OPCML: variants seen among roughly 807,000 people sequenced by gnomAD.
OPCML encodes the protein opioid-binding protein/cell adhesion molecule.
Under a neutral mutation model 37.8 loss-of-function variants are expected in OPCML, and 13 were observed. The ratio of observed to expected loss-of-function variants is 0.34; its 90% CI spans 0.22 to 0.55. The LOEUF is 0.55. Ranked by LOEUF, OPCML falls within the 20% of genes least tolerant of loss-of-function variation. The pLI, the probability that OPCML is intolerant of heterozygous loss-of-function variation, is 0.91. For missense variants in OPCML, 341 were observed against 435.6 expected (o/e 0.78, Z 1.93); for synonymous variants, 176 against 168.8 (o/e 1.04, Z -0.33).
chr11:132,455,500 C>T (rs754687294), intron 4 of OPCML, among the ~76,000 whole-genome samples: 22 of 152,180 alleles, frequency 1.4e-4, no homozygotes, highest in Non-Finnish European at 2.5e-4. Context: ...AATCCGCCCT[C>T]GAGTGAGATC....
chr11:132,740,918 C>G (rs531426475), intron 2 of OPCML, among the ~76,000 whole-genome samples: 5 of 152,072 alleles, frequency 3.3e-5, no homozygotes, highest in Non-Finnish European at 7.4e-5. Context: ...TTTGATATAA[C>G]GGTATGCAGC....
chr11:132,645,746 T>C (rs1046701098), intron 3 of OPCML, among the ~76,000 whole-genome samples: 1 of 152,262 alleles, frequency 6.6e-6, no homozygotes, highest in Non-Finnish European at 1.5e-5. Context: ...GTGTGTCTAT[T>C]TCAAATTAAA....
chr11:132,861,494 T>A (rs1942297966), intron 2 of OPCML, among the ~76,000 whole-genome samples: 1 of 152,262 alleles, frequency 6.6e-6, no homozygotes, highest in Non-Finnish European at 1.5e-5. Context: ...GATGTTTGCC[T>A]GTATGTGTCT....
At chr11:133,400,174 T>C (rs1945372158) in intron 1 of OPCML, among the ~76,000 whole-genome samples, 1 of 152,216 alleles carries the variant, frequency 6.6e-6, no homozygotes, top group African/African-American at 2.4e-5. Context: ...GGAAATAATG[T>C]CTTCTAATTT....
At chr11:132,669,177 T>TCCAA (rs1441725546) in intron 2 of OPCML, among the ~76,000 whole-genome samples, 26 of 152,170 alleles carry the variant, frequency 1.7e-4, no homozygotes, top group African/African-American at 5.1e-4. Context: ...GTCCTTTTCT[T>TCCAA]GGACAGCGTC....
intron 1 of OPCML, among the ~76,000 whole-genome samples, chr11:133,474,459 G>A (rs1213765863): frequency 1.3e-5 from 2 of 152,206 alleles, no homozygotes; most frequent in Non-Finnish European, 2.9e-5. Flanking sequence ...TTCTAGGTAA[G>A]CATGTTATTC....
chr11:132,834,572 G>A (rs1940901386), intron 2 of OPCML, among the ~76,000 whole-genome samples: 1 of 152,202 alleles, frequency 6.6e-6, no homozygotes, highest in Non-Finnish European at 1.5e-5. Context: ...CGGCAGCACA[G>A]TTCTAATATC....
chr11:132,859,203 G>T (rs943230352), intron 2 of OPCML: 1 of 152,182 alleles, frequency 6.6e-6, no homozygotes, highest in Non-Finnish European at 1.5e-5. Flanking sequence ...GGGAAGAGCA[G>T]ACTGAAGGAA....
At chr11:133,038,513 C>A (rs867344003) in intron 1 of OPCML, among the ~76,000 whole-genome samples, 11 of 152,030 alleles carry the variant, frequency 7.2e-5, no homozygotes, top group South Asian at 6.2e-4. Flanking sequence ...TAATTTTTTT[C>A]CTAAATAATG....
At chr11:133,452,481 A>T (rs1946599625) in intron 1 of OPCML, among the ~76,000 whole-genome samples, 1 of 151,398 alleles carries the variant, frequency 6.6e-6, no homozygotes, top group South Asian at 2.1e-4. Context: ...ATGATAGCAG[A>T]TAGTCTGGTA....
chr11:132,562,968 A>T (rs1210081190), intron 3 of OPCML, among the ~76,000 whole-genome samples: 1 of 152,184 alleles, frequency 6.6e-6, no homozygotes, highest in Non-Finnish European at 1.5e-5. Context: ...GTAAGACATT[A>T]ATAGGCAATG....
At chr11:133,099,172 CAAAGAA>C (rs1565446574) in intron 1 of OPCML, among the ~76,000 whole-genome samples, 1 of 151,744 alleles carries the variant, frequency 6.6e-6, no homozygotes, top group Non-Finnish European at 1.5e-5. Context: ...ACAAAGATAT[CAAAGAA>C]AAACTAAATA....
intron 2 of OPCML, among the ~76,000 whole-genome samples, chr11:132,878,510 C>T (rs1199293190): frequency 6.6e-6 from 1 of 152,180 alleles, no homozygotes; most frequent in Non-Finnish European, 1.5e-5. Flanking sequence ...TGGACTGAAA[C>T]TTACACCAGT....
intron 2 of OPCML, among the ~76,000 whole-genome samples, chr11:132,670,585 AT>A: frequency 6.6e-6 from 1 of 152,306 alleles, no homozygotes; most frequent in South Asian, 2.1e-4. Flanking sequence ...AAGATAATAA[AT>A]ATTTTAATAA....
chr11:133,148,737 C>T (rs1949933317), intron 1 of OPCML, among the ~76,000 whole-genome samples: 2 of 152,164 alleles, frequency 1.3e-5, no homozygotes, highest in South Asian at 2.1e-4. Context: ...ATGGCAGAGA[C>T]GAGGTCCAGA....
chr11:133,008,101 T>C (rs1947146907), intron 1 of OPCML: 1 of 985,342 alleles, frequency 1.0e-6, no homozygotes, highest in Admixed American at 6.1e-5. Context: ...GGTTTTCACC[T>C]TCTACTATGG....
chr11:132,977,693 T>C (rs1414339978), intron 1 of OPCML, among the ~76,000 whole-genome samples: 1 of 152,196 alleles, frequency 6.6e-6, no homozygotes, highest in South Asian at 2.1e-4. Context: ...ATAGAGTGCA[T>C]ATAGGAGTCT....
At chr11:133,453,822 A>G (rs962985631) in intron 1 of OPCML, among the ~76,000 whole-genome samples, 2 of 152,378 alleles carry the variant, frequency 1.3e-5, no homozygotes, top group African/African-American at 2.4e-5. Context: ...GATGGAGAAG[A>G]AAGAATAGCA....
At chr11:132,797,572 A>G (rs1938401889) in intron 2 of OPCML, among the ~76,000 whole-genome samples, 1 of 152,216 alleles carries the variant, frequency 6.6e-6, no homozygotes, top group African/African-American at 2.4e-5. Context: ...GCAAATAAAC[A>G]TTATGTTTAT....
Sources: gnomAD v4.1 joint callset for allele counts (sites outside exome capture counted in the v4.1 genomes callset) on GRCh38, gnomAD v4.1.1 for gene constraint, MANE v1.5 for transcripts, NCBI Gene and HGNC (gene_info 2026-07-23, HGNC 2026-07-21) for gene names.